Variants in DOCK10 observed in about 807,000 individuals in gnomAD.
DOCK10 encodes the protein dedicator of cytokinesis 10, also known as dedicator of cytokinesis protein 10.
A neutral mutation model predicts 280.1 loss-of-function variants in DOCK10; 145 were observed. That is an observed-to-expected ratio of 0.52 (90% CI 0.45 to 0.59). The LOEUF (loss-of-function observed/expected upper bound fraction) is 0.59. Among genes scored for constraint, DOCK10 ranks in the 20% least tolerant of loss-of-function variants. The pLI, the probability that DOCK10 is intolerant of heterozygous loss-of-function variation, is 0.00. For synonymous variants in DOCK10, 915 were observed against 942.2 expected (o/e 0.97, Z 0.53); for missense variants, 2,368 against 2,651.7 (o/e 0.89, Z 2.35).
chr2:224,798,912 G>A (rs527699454), intron 41 of DOCK10, among the ~76,000 whole-genome samples: 3 of 152,244 alleles, frequency 2.0e-5, no homozygotes, highest in Non-Finnish European at 4.4e-5. Flanking sequence ...GGAATTACAG[G>A]CATGAGCCAC....
At chr2:224,868,008 C>G (rs72972623) in intron 11 of DOCK10, among the ~76,000 whole-genome samples, 8,754 of 152,140 alleles carry the variant, frequency 0.058, 295 homozygotes, top group South Asian at 0.086. Context: ...TGAGCCAAGT[C>G]AAGGAAACTG....
chr2:224,941,187 C>T (rs1054349905), intron 1 of DOCK10, among the ~76,000 whole-genome samples: 1 of 150,576 alleles, frequency 6.6e-6, no homozygotes, highest in Non-Finnish European at 1.5e-5. Context: ...TGGAAAAGAA[C>T]ATTACTGCTC....
chr2:224,847,872 T>C (rs991704835), intron 19 of DOCK10, among the ~76,000 whole-genome samples: 3 of 152,212 alleles, frequency 2.0e-5, no homozygotes, highest in Non-Finnish European at 4.4e-5. Context: ...AATGTTCTAA[T>C]CCTGCCAATA....
chr2:224,865,875 T>A lies in DOCK10; in HGVS notation c.1258-788A>T, dbSNP rs537295364. On this transcript the variant is annotated intron_variant, in intron 11 of 55. Transcript: ENST00000258390. Reference sequence around the variant, plus strand: ...CTCTCTCACACACACACACACACTCTCTCTCTCTCTCTTACACACATACAC... The same window carrying A: ...CTCTCTCACACACACACACACACTCACTCTCTCTCTCTTACACACATACAC... 3.3e-3 allele frequency among the ~76,000 whole-genome samples: 494 copies of A among 149,062 alleles called. 2 individuals carry two copies. Among genetic ancestry groups the A allele is most frequent in the African/African-American group, 0.012 (458 of 39,306 alleles).
chr2:224,769,592 T>G (rs1378240917), intron 55 of DOCK10, among the ~76,000 whole-genome samples: 2 of 152,162 alleles, frequency 1.3e-5, no homozygotes, highest in Non-Finnish European at 2.9e-5. Context: ...AACCAGTTGA[T>G]TTTTAGCCAC....
intron 2 of DOCK10, among the ~76,000 whole-genome samples, chr2:224,921,102 A>AT (rs1559767369): frequency 7.3e-5 from 3 of 41,268 alleles, no homozygotes; most frequent in African/African-American, 4.0e-4. Flanking sequence ...TAAAAAAAAA[A>AT]AAAAAAAAAA....
At chr2:224,995,253 G>A (rs1706239432) in intron 1 of DOCK10, among the ~76,000 whole-genome samples, 1 of 152,186 alleles carries the variant, frequency 6.6e-6, no homozygotes, top group Non-Finnish European at 1.5e-5. Context: ...TATCCTGTTG[G>A]TCTATAGTTT....
At chr2:225,003,578 T>A (rs920423035) in intron 1 of DOCK10, among the ~76,000 whole-genome samples, 2 of 152,132 alleles carry the variant, frequency 1.3e-5, no homozygotes, top group African/African-American at 4.8e-5. Context: ...AACCTTTTGT[T>A]CAAAAAAGGC....
At chr2:224,960,274 T>C (rs2126159371) in intron 1 of DOCK10, among the ~76,000 whole-genome samples, 1 of 152,304 alleles carries the variant, frequency 6.6e-6, no homozygotes, top group East Asian at 1.9e-4. Flanking sequence ...TCTGAGGGGA[T>C]TCCCCTACCT....
At chr2:224,829,798 A>G (rs59257884) in intron 27 of DOCK10, among the ~76,000 whole-genome samples, 2,656 of 152,204 alleles carry the variant, frequency 0.017, 75 homozygotes, top group African/African-American at 0.061. Flanking sequence ...TTGGGATGGG[A>G]GATGATGAGT....
At chr2:224,845,140 A>G (rs1035449576) in intron 21 of DOCK10, 63 bp downstream of exon 21, 7 of 1,481,082 alleles carry the variant, frequency 4.7e-6, no homozygotes, top group Middle Eastern at 1.7e-4. Context: ...GAGAAAGAAG[A>G]TAATCTTATG....
intron 4 of DOCK10, among the ~76,000 whole-genome samples, chr2:224,891,287 G>C (rs1699646517): frequency 6.6e-6 from 1 of 152,140 alleles, no homozygotes; most frequent in African/African-American, 2.4e-5. Context: ...TATACATAGA[G>C]TGACCAAAAG....
chr2:224,778,288 T>C lies in DOCK10; in HGVS notation c.5656-4A>G. 6.3e-7 allele frequency: 1 copy of C among 1,596,522 alleles called. No individual in the cohort carries two copies. The highest frequency in any genetic ancestry group is 8.5e-7 in the Non-Finnish European group (1 of 1,170,514). On this transcript the variant is annotated splice_polypyrimidine_tract_variant and splice_region_variant and intron_variant, in intron 50 of 55. Transcript: ENST00000258390. ...CTTCTTCTTCTTCAAAAAAGCCCTA[T>C]GGAACATAATGAACCACCAATTTTA... is the stretch of plus-strand genomic sequence containing the variant.
At chr2:224,982,824 T>C (rs932756288) in intron 1 of DOCK10, among the ~76,000 whole-genome samples, 1 of 151,980 alleles carries the variant, frequency 6.6e-6, no homozygotes. Flanking sequence ...ACGTAAACAC[T>C]TCCTGAAGGA....
chr2:224,943,761 C>CTTTTTTT (rs67538456), intron 1 of DOCK10, among the ~76,000 whole-genome samples: 14 of 107,420 alleles, frequency 1.3e-4, no homozygotes, highest in East Asian at 2.5e-4. Context: ...TTTTTCTTTT[C>CTTTTTTT]TTTTTTTTTT....
chr2:224,961,271 G>C (rs561092143), intron 1 of DOCK10, among the ~76,000 whole-genome samples: 33 of 152,170 alleles, frequency 2.2e-4, no homozygotes, highest in Non-Finnish European at 4.6e-4. Context: ...ATGCTGCGTT[G>C]AACAAAGCTA....
chr2:224,874,121 C>T lies in DOCK10; in HGVS notation c.1132G>A (p.Glu378Lys), dbSNP rs749075448. The T allele has an allele frequency of 1.5e-5, 24 of 1,602,056 alleles. No individual in the cohort carries two copies. The Admixed American group carries it at 3.8e-4, about 25-fold the overall frequency. The change falls in exon 11 of 56, where the codon GAA (glutamate) becomes AAA (lysine). Residue 378 changes from glutamate to lysine, a missense_variant. Coordinates refer to ENST00000258390, the MANE Select transcript of DOCK10 (RefSeq NM_014689.3). ...TLKLQKKDLL[E>K]PESVIKPFEE... ...AATGGTTTGATCACAGACTCAGGTT[C>T]CAAGAGATCTTTTTTTTGAAGTTTC...
At chr2:224,816,084 T>C (rs1289478150) in intron 30 of DOCK10, among the ~76,000 whole-genome samples, 2 of 152,008 alleles carry the variant, frequency 1.3e-5, no homozygotes, top group African/African-American at 4.8e-5. Flanking sequence ...ACCTCATAAA[T>C]AGTTTACTCA....
At chr2:224,939,878 AC>A (rs1254868424) in intron 1 of DOCK10, among the ~76,000 whole-genome samples, 9 of 152,072 alleles carry the variant, frequency 5.9e-5, no homozygotes, top group African/African-American at 1.7e-4. Flanking sequence ...TTCCTTTCCT[AC>A]CTGTGGCTAC....
Sources: gnomAD v4.1 joint callset for allele counts (sites outside exome capture counted in the v4.1 genomes callset) on GRCh38, gnomAD v4.1.1 for gene constraint, MANE v1.5 for transcripts, NCBI Gene and HGNC (gene_info 2026-07-23, HGNC 2026-07-21) for gene names.